Variants in ADGRB3 observed in about 807,000 individuals in gnomAD.
ADGRB3 encodes the protein adhesion G protein-coupled receptor B3, also known as brain-specific angiogenesis inhibitor 3.
Under a neutral mutation model 193.4 loss-of-function variants are expected in ADGRB3, and 37 were observed. The ratio of observed to expected loss-of-function variants is 0.19; its 90% CI spans 0.15 to 0.25. The LOEUF (loss-of-function observed/expected upper bound fraction) is 0.25, where lower values mean the gene tolerates loss of function less well. Ranked by LOEUF, ADGRB3 falls within the 10% of genes least tolerant of loss-of-function variation. The pLI is 1.00. For missense variants in ADGRB3, 1,637 were observed against 1,852.9 expected, an observed-to-expected ratio of 0.88 and a Z score of 2.14; for synonymous variants, 690 against 644.2, an observed-to-expected ratio of 1.07 and a Z score of -1.08.
intron 17 of ADGRB3, among the ~76,000 whole-genome samples, chr6:69,206,078 T>TATAC (rs1554169623): frequency 7.2e-6 from 1 of 139,794 alleles, no homozygotes; most frequent in African/African-American, 2.7e-5. Flanking sequence ...TATATATATA[T>TATAC]GAGTTTATTA....
At chr6:69,266,479 C>G (rs1309053672) in intron 20 of ADGRB3, among the ~76,000 whole-genome samples, 2 of 151,952 alleles carry the variant, frequency 1.3e-5, no homozygotes, top group African/African-American at 4.8e-5. Flanking sequence ...GCACAAAAAG[C>G]TAATCTCTGT....
intron 20 of ADGRB3, among the ~76,000 whole-genome samples, chr6:69,306,948 T>C (rs1253829158): frequency 1.3e-5 from 2 of 151,450 alleles, no homozygotes; most frequent in Non-Finnish European, 2.9e-5. Flanking sequence ...CCTCTTATTA[T>C]AGCCCCTAAC....
chr6:69,320,872 C>T (rs937074871), intron 20 of ADGRB3, among the ~76,000 whole-genome samples: 7 of 136,126 alleles, frequency 5.1e-5, no homozygotes, highest in South Asian at 4.3e-4. Context: ...GTCTCTCCTA[C>T]GCCGGGAGAA....
At chr6:68,829,664 C>A (rs1036091541) in intron 3 of ADGRB3, among the ~76,000 whole-genome samples, 1 of 151,956 alleles carries the variant, frequency 6.6e-6, no homozygotes, top group African/African-American at 2.4e-5. Flanking sequence ...AAATGTAAAA[C>A]AAAAAATTTA....
At chr6:69,049,144 TC>T (rs1438526832) in intron 14 of ADGRB3, 126 bp from the exon 15 acceptor site, 1 of 661,390 alleles carries the variant, frequency 1.5e-6, no homozygotes, top group African/African-American at 1.9e-5. Flanking sequence ...GGAATGCATT[TC>T]TTTTTACCAG....
chr6:69,094,315 C>G (rs1772803588), intron 17 of ADGRB3, among the ~76,000 whole-genome samples: 2 of 152,176 alleles, frequency 1.3e-5, no homozygotes, highest in African/African-American at 4.8e-5. Context: ...ATTGATGGCT[C>G]TCTTATGCTC....
chr6:69,045,292 C>A (rs1771204223), intron 13 of ADGRB3, among the ~76,000 whole-genome samples: 2 of 152,100 alleles, frequency 1.3e-5, no homozygotes. Flanking sequence ...ACTAAGGGAT[C>A]ATAAAGAACC....
At chr6:68,753,493 A>G (rs1766241133) in intron 3 of ADGRB3, among the ~76,000 whole-genome samples, 1 of 152,204 alleles carries the variant, frequency 6.6e-6, no homozygotes, top group Non-Finnish European at 1.5e-5. Flanking sequence ...CATAAGGCTG[A>G]TGTGAAAACA....
At chr6:69,225,024 T>G (rs1765979456) in intron 17 of ADGRB3, among the ~76,000 whole-genome samples, 1 of 152,170 alleles carries the variant, frequency 6.6e-6, no homozygotes, top group African/African-American at 2.4e-5. Flanking sequence ...TGTCATGATC[T>G]CTGTCTCCTG....
chr6:69,043,396 A>C (rs1249467807), intron 13 of ADGRB3, among the ~76,000 whole-genome samples: 2 of 152,098 alleles, frequency 1.3e-5, no homozygotes, highest in Admixed American at 1.3e-4. Flanking sequence ...ACATTTCAGT[A>C]CTAAAGGAGA....
intron 3 of ADGRB3, among the ~76,000 whole-genome samples, chr6:68,752,417 C>T (rs1202652150): frequency 6.6e-6 from 1 of 151,738 alleles, no homozygotes; most frequent in Non-Finnish European, 1.5e-5. Flanking sequence ...TCTGAGATTA[C>T]AGGCGTGCAC....
At chr6:68,794,619 C>T (rs1767171797) in intron 3 of ADGRB3, among the ~76,000 whole-genome samples, 2 of 151,970 alleles carry the variant, frequency 1.3e-5, no homozygotes, top group Admixed American at 1.3e-4. Context: ...AGTAATTTAC[C>T]CAAGATATGA....
At chr6:68,810,400 G>A (rs968752643) in intron 3 of ADGRB3, among the ~76,000 whole-genome samples, 2 of 152,118 alleles carry the variant, frequency 1.3e-5, no homozygotes, top group Non-Finnish European at 2.9e-5. Flanking sequence ...ACCTATCCTG[G>A]ACAAGGCCTA....
At chr6:69,097,210 G>A (rs970764128) in intron 17 of ADGRB3, among the ~76,000 whole-genome samples, 4 of 152,172 alleles carry the variant, frequency 2.6e-5, no homozygotes, top group Non-Finnish European at 5.9e-5. Context: ...TATGACTCAG[G>A]TCGAGCTATA....
chr6:68,789,551 T>G (rs187561768), intron 3 of ADGRB3, among the ~76,000 whole-genome samples: 1 of 152,252 alleles, frequency 6.6e-6, no homozygotes, highest in Non-Finnish European at 1.5e-5. Flanking sequence ...CTTCCCTTTG[T>G]GGGTAATCCG....
intron 13 of ADGRB3, among the ~76,000 whole-genome samples, chr6:69,030,007 T>C (rs6909853): frequency 0.023 from 2,579 of 110,696 alleles, 82 homozygotes; most frequent in African/African-American, 0.095. Context: ...CACACACATA[T>C]ATATATAGCT....
At chr6:69,233,958 A>G (rs997940310) in intron 18 of ADGRB3, among the ~76,000 whole-genome samples, 2 of 152,198 alleles carry the variant, frequency 1.3e-5, no homozygotes, top group African/African-American at 4.8e-5. Flanking sequence ...TTAATAGTAT[A>G]TAGTTTTTCA....
intron 17 of ADGRB3, among the ~76,000 whole-genome samples, chr6:69,097,660 A>G (rs1772920516): frequency 6.6e-6 from 1 of 151,886 alleles, no homozygotes; most frequent in Non-Finnish European, 1.5e-5. Context: ...TTGAATATAC[A>G]TATATGTATG....
At chr6:69,097,310 T>A (rs62406774) in intron 17 of ADGRB3, among the ~76,000 whole-genome samples, 20,574 of 152,254 alleles carry the variant, frequency 0.14, 1,578 homozygotes, top group Middle Eastern at 0.3. Flanking sequence ...TGAACAGCTC[T>A]AAGCCACATG....
Sources: allele counts gnomAD v4.1 joint callset (sites outside exome capture counted in the v4.1 genomes callset), GRCh38; gene constraint gnomAD v4.1.1; transcripts MANE v1.5; gene names NCBI Gene and HGNC (gene_info 2026-07-23, HGNC 2026-07-21).